Variants in INTS8 observed in about 807,000 individuals in gnomAD.
The protein encoded by INTS8 is integrator complex subunit 8.
A neutral mutation model predicts 138.9 loss-of-function variants in INTS8; 47 were observed. The observed-to-expected ratio is 0.34, with a 90% CI of 0.27 to 0.43. INTS8 has a LOEUF of 0.43. Ranked by LOEUF, INTS8 falls within the 20% of genes least tolerant of loss-of-function variation. The pLI is 1.00. For missense variants in INTS8, 996 were observed against 1,173.0 expected (o/e 0.85, Z 2.20); for synonymous variants, 392 against 400.9 (o/e 0.98, Z 0.27).
In INTS8 at chr8:94,851,691, A is replaced by G. The variant is rs1815552374; in HGVS notation, c.1641+5A>G. On this transcript the variant is annotated splice_donor_5th_base_variant and intron_variant, in intron 13 of 26. Coordinates refer to ENST00000523731, the MANE Select transcript of INTS8 (RefSeq NM_017864.4). ...TTCTGGACAGTGTCTAATAAGGTAA[A>G]CCCTATGTCAAGAACAGATAAGAAA... 1 of 1,579,614 alleles carries G rather than the reference A, an allele frequency of 6.3e-7. No individual in the cohort carries two copies.
chr8:94,826,173 A>C (rs1487016895), intron 2 of INTS8, among the ~76,000 whole-genome samples: 2 of 152,278 alleles, frequency 1.3e-5, no homozygotes, highest in African/African-American at 4.8e-5. Context: ...GTTAAGACAC[A>C]TGAATATTGC....
At position 94,854,030 on chromosome 8, in the gene INTS8, G is replaced by A. The variant is rs376904174; in HGVS notation, c.1752+115G>A. The A allele has an allele frequency of 1.6e-4, 98 of 597,042 alleles. No individual in the cohort carries two copies. In the African/African-American group the frequency reaches 1.7e-3, roughly 10 times the overall value. The allele number at this position is 597,042 out of a possible 1,614,324, so 37.0% of individuals were successfully genotyped here. A position where few individuals can be genotyped will look rare whatever the true frequency, so the allele number is the denominator to read the frequency against. Reference sequence around the variant, plus strand: ...GTCTGAGGTGGGCAGATCAACTGAGGTCAAGACCAGCCTGGCCAACATGGT... The same window carrying A: ...GTCTGAGGTGGGCAGATCAACTGAGATCAAGACCAGCCTGGCCAACATGGT... On this transcript the variant is annotated intron_variant, in intron 14 of 26. Coordinates refer to ENST00000523731, the MANE Select transcript of INTS8 (RefSeq NM_017864.4).
intron 16 of INTS8, among the ~76,000 whole-genome samples, chr8:94,861,256 ATT>A (rs1210530804): frequency 1.6e-4 from 9 of 57,384 alleles, no homozygotes; most frequent in African/African-American, 5.9e-4. Context: ...CCTTTTTGTA[ATT>A]TTTTTTTTTT....
chr8:94,851,751 A>C, intron 13 of INTS8, 65 bp downstream of exon 13: 1 of 1,393,172 alleles, frequency 7.2e-7, no homozygotes, highest in Non-Finnish European at 9.7e-7. Context: ...TTAATAGAAA[A>C]GCTGTTCCCT....
At chr8:94,832,214 G>T in intron 6 of INTS8, 40 bp downstream of exon 6, 2 of 1,511,406 alleles carry the variant, frequency 1.3e-6, no homozygotes, top group Non-Finnish European at 1.8e-6. Context: ...GCAATTTTTT[G>T]GAAAATCTTA....
intron 16 of INTS8, among the ~76,000 whole-genome samples, chr8:94,861,942 A>G (rs563450783): frequency 1.3e-5 from 2 of 150,392 alleles, no homozygotes; most frequent in East Asian, 2.0e-4. Context: ...AATCATATCT[A>G]TCTCTTCTTT....
intron 13 of INTS8, among the ~76,000 whole-genome samples, chr8:94,853,432 C>T (rs943617598): frequency 6.6e-6 from 1 of 152,112 alleles, no homozygotes; most frequent in African/African-American, 2.4e-5. Context: ...CTTAAATAGC[C>T]GTATAATCTT....
Position 94,824,948 on chromosome 8 carries a change from A to G in INTS8, c.186A>G (p.Ser62=). 1.2e-6 allele frequency: 2 copies of G among 1,613,112 alleles called. No homozygotes were observed. Among genetic ancestry groups the G allele is most frequent in the Non-Finnish European group, 1.7e-6 (2 of 1,179,172 alleles). Residue 62 remains serine, a synonymous_variant, in exon 2 of 27, where the codon TCA becomes TCG. Transcript: ENST00000523731. The part of the protein sequence containing the change: ...VQFLEQASKP[S]VNEQNQVQPP... ...TTTTGGAACAGGCTTCCAAACCTTC[A>G]GTTAATGAACAAAACCAAGTTCAAC...
At chr8:94,859,095 A>C (rs1305260907) in intron 15 of INTS8, among the ~76,000 whole-genome samples, 1 of 151,752 alleles carries the variant, frequency 6.6e-6, no homozygotes, top group African/African-American at 2.4e-5. Flanking sequence ...GTGAGACCCC[A>C]TCTCTACAAA....
chr8:94,866,254 T>A, intron 18 of INTS8, 63 bp downstream of exon 18: 1 of 845,648 alleles, frequency 1.2e-6, no homozygotes, highest in Non-Finnish European at 2.0e-6. Context: ...TGACTAAAAA[T>A]TATTGGGTAC....
chr8:94,879,733 A>T (rs1816723000), intron 26 of INTS8: 1 of 155,164 alleles, frequency 6.4e-6, no homozygotes, highest in Admixed American at 6.5e-5. Flanking sequence ...CTAATCATGA[A>T]AAGTTGAGCA....
At position 94,851,574 on chromosome 8, in the gene INTS8, G is replaced by C; in HGVS notation, c.1529G>C (p.Gly510Ala). The change falls in exon 13 of 27, where the codon GGT (glycine) becomes GCT (alanine). Residue 510 changes from glycine (G) to alanine (A), a missense_variant. Physicochemically the swap from Gly to Ala is moderately conservative, Grantham distance 60. Transcript: ENST00000523731. Reference sequence around the variant, plus strand: ...TTAGCTTCAGCAAGTGTCAACATTGGTCAGTTAGAGCATCAACTTATATTG... The same window carrying C: ...TTAGCTTCAGCAAGTGTCAACATTGCTCAGTTAGAGCATCAACTTATATTG... ...DIPASASVNI[G>A]QLEHQLILSV... The C allele has an allele frequency of 6.3e-7, 1 of 1,584,136 alleles. No individual in the cohort carries two copies. The highest frequency in any genetic ancestry group is 8.6e-7 in the Non-Finnish European group (1 of 1,169,448).
intron 21 of INTS8, among the ~76,000 whole-genome samples, chr8:94,873,050 C>T (rs540669022): frequency 3.3e-5 from 5 of 152,162 alleles, no homozygotes; most frequent in African/African-American, 9.7e-5. Flanking sequence ...TCCACCCCAG[C>T]CCCCAAAAGA....
intron 15 of INTS8, among the ~76,000 whole-genome samples, chr8:94,857,336 T>G (rs1182153735): frequency 6.6e-6 from 1 of 152,152 alleles, no homozygotes; most frequent in East Asian, 1.9e-4. Flanking sequence ...CCTCCCAAAG[T>G]GCTGGGATTA....
intron 15 of INTS8, 101 bp downstream of exon 15, chr8:94,857,079 T>TC (rs1815777082): frequency 1.6e-5 from 15 of 952,278 alleles, no homozygotes; most frequent in Non-Finnish European, 2.3e-5. Context: ...ATCTTTTTTT[T>TC]TTTTTTTTTT....
chr8:94,861,022 A>G (rs542361816), intron 16 of INTS8, among the ~76,000 whole-genome samples: 12 of 143,602 alleles, frequency 8.4e-5, no homozygotes, highest in South Asian at 2.2e-4. Flanking sequence ...GCGCCACTGC[A>G]CTCCAGCCTG....
At chr8:94,829,999 A>G (rs1488088788) in intron 5 of INTS8, among the ~76,000 whole-genome samples, 1 of 152,150 alleles carries the variant, frequency 6.6e-6, no homozygotes, top group Non-Finnish European at 1.5e-5. Flanking sequence ...TGCTTCAAGC[A>G]ATTTTCCTGC....
chr8:94,861,032 G>A (rs1197075360), intron 16 of INTS8, among the ~76,000 whole-genome samples: 1 of 148,188 alleles, frequency 6.7e-6, no homozygotes, highest in African/African-American at 2.5e-5. Flanking sequence ...ACTCCAGCCT[G>A]GGCGACAGAG....
At chr8:94,846,663 A>G (rs1206296696) in intron 10 of INTS8, among the ~76,000 whole-genome samples, 2 of 152,226 alleles carry the variant, frequency 1.3e-5, no homozygotes, top group African/African-American at 2.4e-5. Flanking sequence ...TCTCACTCCC[A>G]GTCTCAGAAA....
Sources: allele counts gnomAD v4.1 joint callset (sites outside exome capture counted in the v4.1 genomes callset), GRCh38; gene constraint gnomAD v4.1.1; transcripts MANE v1.5; gene names NCBI Gene and HGNC (gene_info 2026-07-23, HGNC 2026-07-21).